IMPA1: variants seen among roughly 807,000 people sequenced by gnomAD.
IMPA1 encodes the protein inositol monophosphatase 1.
Under a neutral mutation model 34.9 loss-of-function variants are expected in IMPA1, and 21 were observed. The ratio of observed to expected loss-of-function variants is 0.60; its 90% CI spans 0.43 to 0.87. IMPA1 has a LOEUF of 0.87. Among genes scored for constraint, IMPA1 ranks in the 40% least tolerant of loss-of-function variants. The pLI is 0.00. For synonymous variants in IMPA1, 95 were observed against 104.4 expected (o/e 0.91, Z 0.55); for missense variants, 299 against 336.4 (o/e 0.89, Z 0.87).
intron 7 of IMPA1, among the ~76,000 whole-genome samples, chr8:81,665,668 C>T (rs1806800345): frequency 6.6e-6 from 1 of 151,960 alleles, no homozygotes; most frequent in Non-Finnish European, 1.5e-5. Flanking sequence ...TAAGATATAT[C>T]CTTTAAAAAC....
intron 6 of IMPA1, among the ~76,000 whole-genome samples, chr8:81,672,520 T>C (rs2130286529): frequency 6.6e-6 from 1 of 152,320 alleles, no homozygotes; most frequent in South Asian, 2.1e-4. Context: ...CAATGTTATT[T>C]CTGTAAACAA....
intron 1 of IMPA1, among the ~76,000 whole-genome samples, chr8:81,684,067 G>A (rs995547387): frequency 4.0e-5 from 6 of 151,198 alleles, no homozygotes; most frequent in African/African-American, 1.5e-4. Context: ...AGGGCTATGG[G>A]AGTTATGAGC....
chr8:81,684,607 C>CTT (rs1807433276), intron 1 of IMPA1, among the ~76,000 whole-genome samples: 1 of 14,214 alleles, frequency 7.0e-5, no homozygotes, highest in African/African-American at 1.7e-4. Flanking sequence ...ATATATATAT[C>CTT]TAGTATATAT....
intron 5 of IMPA1, among the ~76,000 whole-genome samples, chr8:81,675,553 G>A (rs896090455): frequency 1.4e-4 from 22 of 152,126 alleles, no homozygotes; most frequent in African/African-American, 5.1e-4. Flanking sequence ...TACAACCCTG[G>A]GGCTAAGCTG....
chr8:81,676,269 CA>C lies in IMPA1; in HGVS notation c.312del (p.Phe104LeufsTer2). ...GTTNFVHRFPFVAVSIGFAVN... is the reference protein window; with the variant it reads ...GTTNFVHRFPXVAVSIGFAVN... ...ACAGCAAAGCCAATTGAAACAGCTACAAAAGGAAATCTTTTTTTAAAAAAAA... is the reference window on the plus strand; with the variant it reads ...ACAGCAAAGCCAATTGAAACAGCTACAAAGGAAATCTTTTTTTAAAAAAAA... On this transcript the variant is annotated frameshift_variant, in exon 5 of 9. Transcript: ENST00000256108. LOFTEE classifies it high-confidence loss of function. 1 of 1,335,686 alleles carries C rather than the reference CA, an allele frequency of 7.5e-7. No individual in the cohort carries two copies. The highest frequency in any genetic ancestry group is 1.0e-6 in the Non-Finnish European group (1 of 978,946). 82.7% of individuals were successfully genotyped at this position (1,335,686 alleles called of 1,614,324 possible). A position where few individuals can be genotyped will look rare whatever the true frequency, so the allele number is the denominator to read the frequency against.
intron 7 of IMPA1, among the ~76,000 whole-genome samples, chr8:81,670,608 C>T (rs963839195): frequency 6.6e-6 from 1 of 152,164 alleles, no homozygotes; most frequent in African/African-American, 2.4e-5. Context: ...GAAGTAATTT[C>T]ATAGGCTGTG....
intron 3 of IMPA1, among the ~76,000 whole-genome samples, chr8:81,679,707 A>G (rs1488566138): frequency 6.6e-6 from 1 of 152,192 alleles, no homozygotes. Flanking sequence ...AATGTAAGGA[A>G]GCTTTAATTT....
At chr8:81,666,175 G>A (rs886298421) in intron 7 of IMPA1, among the ~76,000 whole-genome samples, 3 of 152,140 alleles carry the variant, frequency 2.0e-5, no homozygotes, top group African/African-American at 4.8e-5. Context: ...GGCAATAGGC[G>A]AAGCCAAAAC....
At chr8:81,673,801 A>G in intron 6 of IMPA1, 40 bp downstream of exon 6, 1 of 1,079,822 alleles carries the variant, frequency 9.3e-7, no homozygotes, top group Non-Finnish European at 1.4e-6. Context: ...AATATTGAGC[A>G]CACAATATGA....
chr8:81,667,860 G>C (rs1027261103), intron 7 of IMPA1, among the ~76,000 whole-genome samples: 2 of 148,976 alleles, frequency 1.3e-5, no homozygotes, highest in African/African-American at 5.0e-5. Flanking sequence ...GTCTCACTCT[G>C]TTACCCAGGC....
At chr8:81,682,092 T>C (rs1245527054) in intron 1 of IMPA1, among the ~76,000 whole-genome samples, 1 of 152,176 alleles carries the variant, frequency 6.6e-6, no homozygotes, top group Non-Finnish European at 1.5e-5. Flanking sequence ...TGAATTCAAT[T>C]CTGATTTTAA....
chr8:81,685,085 A>G (rs891599099), intron 1 of IMPA1, among the ~76,000 whole-genome samples: 1 of 136,528 alleles, frequency 7.3e-6, no homozygotes. Flanking sequence ...TATACTATAA[A>G]TAAGTATATT....
rs971916626 is a variant in IMPA1, at chr8:81,686,301, C to T, written c.-74G>A. 1.0e-6 allele frequency: 1 copy of T among 988,912 alleles called. No homozygotes were observed. The highest frequency in any genetic ancestry group is 1.2e-6 in the Non-Finnish European group (1 of 832,066). The allele number at this position is 988,912 out of a possible 1,614,324, so 61.3% of individuals were successfully genotyped here. ...GCTCTGTGAACGGTGTTACCGCACT[C>T]GTCTCTTCCGGAGGTAGAGGGGCTA... is the stretch of plus-strand genomic sequence containing the variant. On this transcript the variant is annotated 5_prime_UTR_variant, in exon 1 of 9. Coordinates refer to ENST00000256108, the MANE Select transcript of IMPA1 (RefSeq NM_005536.4).
At chr8:81,685,446 T>A (rs961516719) in intron 1 of IMPA1, among the ~76,000 whole-genome samples, 33 of 141,938 alleles carry the variant, frequency 2.3e-4, no homozygotes, top group African/African-American at 8.1e-4. Flanking sequence ...AGTATATTTC[T>A]GTACTATATA....
chr8:81,667,124 T>C (rs567199796), intron 7 of IMPA1, among the ~76,000 whole-genome samples: 1 of 151,862 alleles, frequency 6.6e-6, no homozygotes, highest in South Asian at 2.1e-4. Flanking sequence ...ACAGGGCAAA[T>C]AGACAAAAAA....
rs1339982957 is a variant in IMPA1, at chr8:81,684,114, T to TAC, written c.-25+2136_-25+2137dup. Among the ~76,000 whole-genome samples the TAC allele has an allele frequency of 2.2e-3, 301 of 139,778 alleles. 2 individuals are homozygous for TAC. The highest frequency in any genetic ancestry group is 6.4e-3 in the African/African-American group (232 of 35,984). The allele number at this position is 139,778 out of a possible 152,430, so 91.7% of individuals were successfully genotyped here. A position where few individuals can be genotyped will look rare whatever the true frequency, so the allele number is the denominator to read the frequency against. ...GATGCAAACTATATATATATATATA[T>TAC]ACACACACACACACATACACACATA... On this transcript the variant is annotated intron_variant, in intron 1 of 8. Transcript: ENST00000256108.
chr8:81,677,700 A>G (rs1807170947), intron 4 of IMPA1, among the ~76,000 whole-genome samples: 1 of 152,362 alleles, frequency 6.6e-6, no homozygotes, highest in East Asian at 1.9e-4. Flanking sequence ...AAAATAAGAT[A>G]CTATACACAC....
intron 7 of IMPA1, among the ~76,000 whole-genome samples, chr8:81,669,911 T>C (rs1806939913): frequency 1.3e-5 from 2 of 152,196 alleles, no homozygotes; most frequent in South Asian, 2.1e-4. Context: ...TGAGTCATCA[T>C]AGGACTAGGA....
rs544608670 is a variant in IMPA1, at chr8:81,659,148, T to C, written c.*203A>G. 1.3e-4 allele frequency: 76 copies of C among 569,418 alleles called. 1 individual carries two copies. In the South Asian group the frequency reaches 1.3e-3, roughly 10 times the overall value. The allele number at this position is 569,418 out of a possible 1,614,324, so 35.3% of individuals were successfully genotyped here. Reference sequence around the variant, plus strand: ...ATGTTTCCTAAAGTACATTCTTACATGCAAAATTTTTTAAATCAGTGAAAC... The same window carrying C: ...ATGTTTCCTAAAGTACATTCTTACACGCAAAATTTTTTAAATCAGTGAAAC... On this transcript the variant is annotated 3_prime_UTR_variant, in exon 9 of 9. Transcript: ENST00000256108.
Sources: gnomAD v4.1 joint callset for allele counts (sites outside exome capture counted in the v4.1 genomes callset) on GRCh38, gnomAD v4.1.1 for gene constraint, MANE v1.5 for transcripts, NCBI Gene and HGNC (gene_info 2026-07-23, HGNC 2026-07-21) for gene names.